IQCJ: variants seen among roughly 807,000 people sequenced by gnomAD.
IQCJ encodes the protein IQ domain-containing protein J.
A neutral mutation model predicts 11.0 loss-of-function variants in IQCJ; 9 were observed. The observed-to-expected ratio is 0.82, with a 90% CI of 0.49 to 1.43. IQCJ has a LOEUF of 1.43. Ranked by LOEUF, IQCJ falls within the 40% of genes most tolerant of loss-of-function variation. The probability of loss-of-function intolerance (pLI) is 0.00; values close to 1 mark genes in which losing one functional copy is unlikely to be tolerated. For synonymous variants in IQCJ, 55 were observed against 51.3 expected, an observed-to-expected ratio of 1.07 and a Z score of -0.31; for missense variants, 146 against 133.2, an observed-to-expected ratio of 1.10 and a Z score of -0.47.
At chr3:159,125,072 GA>G (rs1186600364) in intron 1 of IQCJ, among the ~76,000 whole-genome samples, 1 of 152,110 alleles carries the variant, frequency 6.6e-6, no homozygotes, top group African/African-American at 2.4e-5. Flanking sequence ...TGAAGAGGGG[GA>G]AAAATAGTAA....
Position 159,262,569 on chromosome 3 carries a change from G to A in IQCJ, c.177G>A (p.Glu59=). ...KVKIIQRAWR[E]YLQRQEPLGK... is the part of the protein sequence containing the mutation. ...TCAGCATTCAGCGAGCATGGCGAGA[G>A]TACCTGCAGCGGCAGGAGCCCCTGG... Residue 59 remains glutamate (E), a synonymous_variant, in exon 4 of 4, where the codon GAG becomes GAA. Coordinates refer to ENST00000397832, the MANE Select transcript of IQCJ (RefSeq NM_001042706.3). 1 of 1,613,782 alleles carries A rather than the reference G, an allele frequency of 6.2e-7. No individual in the cohort carries two copies. Among genetic ancestry groups the A allele is most frequent in the Non-Finnish European group, 8.5e-7 (1 of 1,179,778 alleles).
intron 1 of IQCJ, among the ~76,000 whole-genome samples, chr3:159,138,834 A>G (rs1720440619): frequency 6.6e-6 from 1 of 152,158 alleles, no homozygotes; most frequent in Non-Finnish European, 1.5e-5. Flanking sequence ...CTGGTATTTC[A>G]TAGTTTTCTA....
intron 1 of IQCJ, among the ~76,000 whole-genome samples, chr3:159,078,563 T>G (rs1161652901): frequency 5.3e-5 from 8 of 151,394 alleles, no homozygotes; most frequent in Non-Finnish European, 7.4e-5. Flanking sequence ...TTTTTTTTTT[T>G]GCCACCAGCA....
At chr3:159,147,929 A>G (rs1721007511) in intron 1 of IQCJ, among the ~76,000 whole-genome samples, 2 of 152,246 alleles carry the variant, frequency 1.3e-5, no homozygotes, top group African/African-American at 4.8e-5. Context: ...CATTTATAAA[A>G]GTAGTTCTCA....
chr3:159,218,754 C>T (rs1309016616), intron 1 of IQCJ, among the ~76,000 whole-genome samples: 1 of 152,224 alleles, frequency 6.6e-6, no homozygotes, highest in South Asian at 2.1e-4. Context: ...TCTATTGCTG[C>T]TGTAACAAAT....
chr3:159,252,691 G>T, intron 2 of IQCJ, 36 bp from the exon 3 acceptor site: 1 of 1,585,766 alleles, frequency 6.3e-7, no homozygotes, highest in Non-Finnish European at 8.6e-7. Flanking sequence ...TAACCTTCTG[G>T]ATTGGGAGAT....
At chr3:159,245,526 A>G (rs1430408521) in intron 1 of IQCJ, among the ~76,000 whole-genome samples, 1 of 147,296 alleles carries the variant, frequency 6.8e-6, no homozygotes, top group Non-Finnish European at 1.5e-5. Context: ...CAGTGGCGCA[A>G]TCTTGGCTCA....
downstream of IQCJ, among the ~76,000 whole-genome samples, chr3:159,264,905 G>GAA (rs747742974): frequency 2.3e-5 from 3 of 131,586 alleles, no homozygotes; most frequent in Non-Finnish European, 4.9e-5. Flanking sequence ...TGACAGAGGG[G>GAA]AAAACAAAAA....
At chr3:159,090,882 A>G (rs1717228922) in intron 1 of IQCJ, among the ~76,000 whole-genome samples, 1 of 151,928 alleles carries the variant, frequency 6.6e-6, no homozygotes, top group Non-Finnish European at 1.5e-5. Flanking sequence ...ACATAACATA[A>G]AAGCCTTACC....
At chr3:159,214,479 T>C (rs957540353) in intron 1 of IQCJ, among the ~76,000 whole-genome samples, 5 of 152,222 alleles carry the variant, frequency 3.3e-5, no homozygotes, top group Admixed American at 6.5e-5. Flanking sequence ...AATTTAGTTA[T>C]TTGGCTTGAA....
In IQCJ at chr3:159,150,615, C is replaced by CACAT. The variant is rs200139441; in HGVS notation, c.9+81175_9+81176insCATA. 0.01 allele frequency among the ~76,000 whole-genome samples: 1,565 copies of CACAT among 149,896 alleles called. 116 individuals are homozygous for CACAT. In the East Asian group the frequency reaches 0.21, roughly 20 times the overall value. On this transcript the variant is annotated intron_variant, in intron 1 of 3. Coordinates refer to ENST00000397832, the MANE Select transcript of IQCJ (RefSeq NM_001042706.3). ...ACACACACACACACACACACACACA[C>CACAT]ATATTCTGGGGGCTGTGCTTCTGTA...
At chr3:159,189,049 A>G (rs1037538293) in intron 1 of IQCJ, among the ~76,000 whole-genome samples, 3 of 152,174 alleles carry the variant, frequency 2.0e-5, no homozygotes, top group South Asian at 2.1e-4. Context: ...TTCATGGCAC[A>G]TCTGAATTCA....
At chr3:159,117,050 G>T (rs1180738382) in intron 1 of IQCJ, among the ~76,000 whole-genome samples, 1 of 152,110 alleles carries the variant, frequency 6.6e-6, no homozygotes, top group Non-Finnish European at 1.5e-5. Context: ...TTACATTTTT[G>T]TTATACTACT....
At chr3:159,145,505 G>A (rs1720874748) in intron 1 of IQCJ, among the ~76,000 whole-genome samples, 1 of 151,568 alleles carries the variant, frequency 6.6e-6, no homozygotes, top group East Asian at 1.9e-4. Flanking sequence ...GGAATAATGA[G>A]TGTGAGTTGT....
chr3:159,083,641 C>T (rs961235958), intron 1 of IQCJ, among the ~76,000 whole-genome samples: 1 of 152,114 alleles, frequency 6.6e-6, no homozygotes, highest in African/African-American at 2.4e-5. Flanking sequence ...ACTGTATTCA[C>T]ATAAACAACT....
chr3:159,088,848 C>A (rs999927187), intron 1 of IQCJ, among the ~76,000 whole-genome samples: 54 of 152,078 alleles, frequency 3.6e-4, no homozygotes, highest in Non-Finnish European at 4.9e-4. Flanking sequence ...AATACAGCAC[C>A]CTGATGGGTC....
intron 1 of IQCJ, among the ~76,000 whole-genome samples, chr3:159,135,302 G>T (rs1055369164): frequency 6.6e-5 from 10 of 152,126 alleles, no homozygotes; most frequent in African/African-American, 2.2e-4. Flanking sequence ...TCTAATCCCA[G>T]CCCAACCACA....
At chr3:159,253,610 AACACACACAC>A (rs5853857) in intron 3 of IQCJ, among the ~76,000 whole-genome samples, 5 of 149,654 alleles carry the variant, frequency 3.3e-5, no homozygotes, top group Non-Finnish European at 7.4e-5. Flanking sequence ...CTCCCTCACA[AACACACACAC>A]ACACACACAC....
At chr3:159,263,911 G>A (rs764456101), downstream of IQCJ, among the ~76,000 whole-genome samples, 2 of 152,160 alleles carry the variant, frequency 1.3e-5, no homozygotes, top group African/African-American at 2.4e-5. Context: ...TATCCTAACT[G>A]ACCTCACTAT....
Sources: gnomAD v4.1 joint callset for allele counts (sites outside exome capture counted in the v4.1 genomes callset) on GRCh38, gnomAD v4.1.1 for gene constraint, MANE v1.5 for transcripts, NCBI Gene and HGNC (gene_info 2026-07-23, HGNC 2026-07-21) for gene names.